EXT2: variants seen among roughly 807,000 people sequenced by gnomAD.
The protein encoded by EXT2 is exostosin glycosyltransferase 2.
Under a neutral mutation model 81.6 loss-of-function variants are expected in EXT2, and 53 were observed. The observed-to-expected ratio is 0.65, with a 90% confidence interval of 0.52 to 0.82. The LOEUF (loss-of-function observed/expected upper bound fraction) is 0.82. Ranked by LOEUF, EXT2 falls within the 40% of genes least tolerant of loss-of-function variation. The pLI is 0.00. For synonymous variants in EXT2, 320 were observed against 340.0 expected (o/e 0.94, Z 0.65); for missense variants, 774 against 910.2 (o/e 0.85, Z 1.93).
intron 8 of EXT2, among the ~76,000 whole-genome samples, chr11:44,185,924 G>A (rs920325620): frequency 6.6e-6 from 1 of 152,228 alleles, no homozygotes; most frequent in Non-Finnish European, 1.5e-5. Context: ...GGGAGAATCA[G>A]TTGAAACTGT....
chr11:44,106,826 G>GCAAA (rs1954062411), intron 1 of EXT2, among the ~76,000 whole-genome samples: 1 of 152,136 alleles, frequency 6.6e-6, no homozygotes, highest in Non-Finnish European at 1.5e-5. Context: ...GACGGGTTTT[G>GCAAA]CCATGTTGGC....
At chr11:44,201,460 T>C (rs913062244) in intron 9 of EXT2, among the ~76,000 whole-genome samples, 2 of 152,252 alleles carry the variant, frequency 1.3e-5, no homozygotes, top group South Asian at 4.1e-4. Context: ...AAGGAAACTG[T>C]TGTTATTCCC....
intron 7 of EXT2, among the ~76,000 whole-genome samples, chr11:44,162,968 A>G (rs1954946792): frequency 1.3e-5 from 2 of 152,222 alleles, no homozygotes; most frequent in African/African-American, 4.8e-5. Context: ...TAGTATGTGG[A>G]TAAATCCCAG....
chr11:44,107,382 C>T (rs1251841534), intron 1 of EXT2, among the ~76,000 whole-genome samples: 1 of 151,938 alleles, frequency 6.6e-6, no homozygotes, highest in African/African-American at 2.4e-5. Context: ...ATAGATTGAG[C>T]TCAGGAGTTC....
In EXT2 at chr11:44,247,616, C is replaced by T. The variant is rs1956107157; in HGVS notation, c.*3329C>T. 6.6e-6 allele frequency among the ~76,000 whole-genome samples: 1 copy of T among 152,198 alleles called. No individual in the cohort carries two copies. The highest frequency in any genetic ancestry group is 2.4e-5 in the African/African-American group (1 of 41,450). ...GACCACCCTGGTTTCTCTGCCAAAGCCTCATCTACTTCCAGCTGGGCTTTG... is the reference window on the plus strand; with the variant it reads ...GACCACCCTGGTTTCTCTGCCAAAGTCTCATCTACTTCCAGCTGGGCTTTG... On this transcript the variant is annotated 3_prime_UTR_variant, in exon 14 of 14. Transcript: ENST00000533608.
At chr11:44,208,687 T>A (rs563568622) in intron 10 of EXT2, among the ~76,000 whole-genome samples, 1 of 152,356 alleles carries the variant, frequency 6.6e-6, no homozygotes, top group East Asian at 1.9e-4. Context: ...TCCCGAGTGT[T>A]TCCATACATT....
rs749297206 is a variant in EXT2, at chr11:44,126,840, C to T, written c.964C>T (p.Arg322Cys). 16 of 1,613,992 alleles carry T rather than the reference C, an allele frequency of 9.9e-6. 1 individual carries two copies. The South Asian group carries it at 1.1e-4, about 11-fold the overall frequency. Residue 322 changes from arginine to cysteine, a missense_variant, in exon 6 of 14, where the codon CGT becomes TGT. Physicochemically the swap from Arg to Cys is radical, Grantham distance 180 (BLOSUM62 -3). Around this residue, in one of 2 missense-constraint regions of EXT2, gnomAD observed 626 missense variants for 670.5 expected, o/e 0.93. Coordinates refer to ENST00000533608, the MANE Select transcript of EXT2 (RefSeq NM_207122.2). ...LQEATFCVVL[R>C]GARLGQAVLS... ...GGAGGCTACTTTCTGTGTGGTTCTT[C>T]GTGGAGCTCGGCTGGGCCAGGCAGT...
intron 13 of EXT2, among the ~76,000 whole-genome samples, chr11:44,242,378 T>C (rs1186535291): frequency 6.6e-6 from 1 of 152,186 alleles, no homozygotes; most frequent in African/African-American, 2.4e-5. Context: ...CATCCATCTT[T>C]TCCCAGTCTC....
chr11:44,240,856 C>T (rs1286319733), intron 13 of EXT2, among the ~76,000 whole-genome samples: 1 of 152,152 alleles, frequency 6.6e-6, no homozygotes, highest in African/African-American at 2.4e-5. Context: ...TAGAATACAT[C>T]CTTCCTTCCT....
rs755590144 is a variant in EXT2, at chr11:44,206,818, T to C, written c.1521T>C (p.Val507=). The C allele has an allele frequency of 4.3e-6, 7 of 1,614,104 alleles. No individual in the cohort carries two copies. Among genetic ancestry groups the C allele is most frequent in the East Asian group, 2.2e-5 (1 of 44,868 alleles). The part of the protein sequence containing the change: ...PEDSLWPKIR[V]PLKVVRTAEN... ...ATTCTCTCTGGCCCAAAATCCGGGT[T>C]CCATTAAAAGTTGTGAGGACTGCTG... The change falls in exon 10 of 14, where the codon GTT becomes GTC. Residue 507 remains valine, a synonymous_variant. Transcript: ENST00000533608.
At chr11:44,240,003 A>G (rs918834902) in intron 13 of EXT2, among the ~76,000 whole-genome samples, 3 of 152,120 alleles carry the variant, frequency 2.0e-5, no homozygotes, top group Non-Finnish European at 2.9e-5. Context: ...ACAATCCCTA[A>G]TACAACATAA....
In EXT2 at chr11:44,109,202, G is replaced by T. The variant is rs563383543; in HGVS notation, c.545G>T (p.Arg182Leu). ...TTTAAATTTCTTGACAGGTGGGATC[G>T]AGGTACGAATCACCTGTTGTTCAAC... Reference protein sequence around the residue: ...QAMAQLSRWDRGTNHLLFNML... With the variant: ...QAMAQLSRWDLGTNHLLFNML... Residue 182 changes from arginine to leucine, a missense_variant, in exon 3 of 14, where the codon CGA becomes CTA. Transcript: ENST00000533608. 168 of 1,614,036 alleles carry T rather than the reference G, an allele frequency of 1.0e-4. 3 individuals carry two copies. In the South Asian group the frequency reaches 1.8e-3, roughly 17 times the overall value.
intron 4 of EXT2, among the ~76,000 whole-genome samples, chr11:44,120,930 G>A (rs1329705325): frequency 6.6e-6 from 1 of 152,174 alleles, no homozygotes; most frequent in Non-Finnish European, 1.5e-5. Context: ...AGACATGAAA[G>A]CTATAGCTAG....
intron 10 of EXT2, among the ~76,000 whole-genome samples, chr11:44,219,121 A>G (rs1236550601): frequency 2.0e-5 from 3 of 152,130 alleles, no homozygotes; most frequent in Non-Finnish European, 2.9e-5. Flanking sequence ...AATTCTAAAT[A>G]AATGATCCCA....
At chr11:44,143,704 G>T (rs1326636916) in intron 7 of EXT2, among the ~76,000 whole-genome samples, 1 of 152,046 alleles carries the variant, frequency 6.6e-6, no homozygotes, top group East Asian at 1.9e-4. Context: ...ATGTGCCTCT[G>T]GTCAGGTGCA....
intron 3 of EXT2, among the ~76,000 whole-genome samples, chr11:44,112,757 C>G (rs1309257090): frequency 6.6e-6 from 1 of 152,124 alleles, no homozygotes; most frequent in Non-Finnish European, 1.5e-5. Context: ...CCCCCTGGAA[C>G]AGAATAACAA....
At chr11:44,169,872 A>G (rs1327405762) in intron 7 of EXT2, among the ~76,000 whole-genome samples, 1 of 152,158 alleles carries the variant, frequency 6.6e-6, no homozygotes, top group Non-Finnish European at 1.5e-5. Flanking sequence ...GCTTTTCGCA[A>G]TAGACAAGCT....
At chr11:44,119,124 T>TTTTATATATATATATATATA (rs1555004226) in intron 4 of EXT2, among the ~76,000 whole-genome samples, 1 of 25,640 alleles carries the variant, frequency 3.9e-5, no homozygotes, top group African/African-American at 7.6e-5. Flanking sequence ...ATTTGGCTAT[T>TTTTATATATATATATATATA]TATATATATA....
chr11:44,106,164 C>T (rs866898366), intron 1 of EXT2, among the ~76,000 whole-genome samples: 5 of 152,328 alleles, frequency 3.3e-5, no homozygotes, highest in African/African-American at 1.2e-4. Context: ...TAAAGCTAGC[C>T]TAGATTCATG....
Sources: allele counts gnomAD v4.1 joint callset (sites outside exome capture counted in the v4.1 genomes callset), GRCh38; gene constraint gnomAD v4.1.1; regional missense constraint gnomAD v4.1.1; transcripts MANE v1.5; gene names NCBI Gene and HGNC (gene_info 2026-07-23, HGNC 2026-07-21).